Variants in LRRC8A observed in about 807,000 individuals in gnomAD.
The protein encoded by LRRC8A is volume-regulated anion channel subunit LRRC8A.
Under a neutral mutation model 52.5 loss-of-function variants are expected in LRRC8A, and 24 were observed. That is an observed-to-expected ratio of 0.46 (90% confidence interval 0.33 to 0.64). The LOEUF is 0.64. Among genes scored for constraint, LRRC8A ranks in the 30% least tolerant of loss-of-function variants. LRRC8A has a pLI of 0.02. For missense variants in LRRC8A, 677 were observed against 1,094.7 expected (o/e 0.62, Z 5.38); for synonymous variants, 492 against 494.2 (o/e 1.00, Z 0.06).
Position 128,911,033 on chromosome 9 carries a change from G to A in LRRC8A, c.2157+1712G>A, listed in dbSNP as rs533034839. 1.3e-5 allele frequency among the ~76,000 whole-genome samples: 2 copies of A among 152,262 alleles called. No homozygotes were observed. The highest frequency in any genetic ancestry group is 4.1e-4 in the South Asian group (2 of 4,822). On this transcript the variant is annotated intron_variant, in intron 3 of 3. Transcript: ENST00000372600. The surrounding 1 kb of genome is among the most constrained non-coding windows in gnomAD (Gnocchi z 4.9). The stretch of plus-strand genomic sequence containing the variant: ...ACCAACCTGCTGAGTCCTCCCAACA[G>A]GGTCTGTCTATAGCATCCTCAGGCA...
Position 128,908,946 on chromosome 9 carries a change from T to C in LRRC8A, c.1782T>C (p.Thr594=), listed in dbSNP as rs372263283. 8 of 1,613,790 alleles carry C rather than the reference T, an allele frequency of 5.0e-6. No individual in the cohort carries two copies. In the African/African-American group the frequency reaches 8.0e-5, roughly 16 times the overall value. ...LNSLKKMANL[T]ELELIRCDLE... ...GCCTCAAGAAGATGGCGAACCTGACTGAGCTGGAGCTGATCCGCTGTGACC... is the reference window on the plus strand; with the variant it reads ...GCCTCAAGAAGATGGCGAACCTGACCGAGCTGGAGCTGATCCGCTGTGACC... Residue 594 remains threonine (T), a synonymous_variant, in exon 3 of 4, where the codon ACT becomes ACC. Coordinates refer to ENST00000372600, the MANE Select transcript of LRRC8A (RefSeq NM_019594.4).
At chr9:128,915,112 G>T (rs892280241) in intron 3 of LRRC8A, among the ~76,000 whole-genome samples, 6 of 152,140 alleles carry the variant, frequency 3.9e-5, no homozygotes, top group Non-Finnish European at 7.4e-5. Flanking sequence ...AATAGTATCA[G>T]TGCTCACAGT....
At chr9:128,896,874 AC>A in intron 2 of LRRC8A, among the ~76,000 whole-genome samples, 1 of 151,502 alleles carries the variant, frequency 6.6e-6, no homozygotes, top group African/African-American at 2.4e-5. Context: ...GGCATGTGCC[AC>A]CAGGCCCAGC....
Position 128,907,040 on chromosome 9 carries a change from G to A in LRRC8A, c.-8-117G>A. The A allele has an allele frequency of 2.2e-6, 2 of 902,664 alleles. No individual in the cohort carries two copies. The highest frequency in any genetic ancestry group is 3.4e-6 in the Non-Finnish European group (2 of 587,072). 55.9% of individuals were successfully genotyped at this position (902,664 alleles called of 1,614,324 possible). A position where few individuals can be genotyped will look rare whatever the true frequency, so the allele number is the denominator to read the frequency against. ...GTAGGCAGGCTTTGGCTCCCAGCTA[G>A]ATTTGAGGTGGAATTTTGGACAATG... is the stretch of plus-strand genomic sequence containing the variant. On this transcript the variant is annotated intron_variant, in intron 2 of 3. Transcript: ENST00000372600. This position sits in a 1 kb window ranked among gnomAD's most constrained non-coding sequence, Gnocchi z 9.3.
At chr9:128,901,432 C>G (rs1311500488) in intron 2 of LRRC8A, among the ~76,000 whole-genome samples, 1 of 152,068 alleles carries the variant, frequency 6.6e-6, no homozygotes, top group Non-Finnish European at 1.5e-5. Context: ...CCACTGCACC[C>G]CAGCCTGGCA....
intron 2 of LRRC8A, among the ~76,000 whole-genome samples, chr9:128,888,440 G>A (rs141659032): frequency 1.3e-5 from 2 of 152,230 alleles, no homozygotes; most frequent in African/African-American, 2.4e-5. Flanking sequence ...GCCCTTCCTG[G>A]GGATAGGAAG....
chr9:128,883,891 T>A (rs1839270006), intron 1 of LRRC8A, among the ~76,000 whole-genome samples: 1 of 152,182 alleles, frequency 6.6e-6, no homozygotes. Flanking sequence ...GGAGAATTGC[T>A]TGAACCCAGC....
intron 3 of LRRC8A, among the ~76,000 whole-genome samples, chr9:128,915,094 A>G (rs568135904): frequency 4.2e-4 from 64 of 152,294 alleles, no homozygotes; most frequent in African/African-American, 1.5e-3. Context: ...TTGCTGGTTA[A>G]ATAAATTAAT....
At chr9:128,893,932 A>G (rs1839720953) in intron 2 of LRRC8A, among the ~76,000 whole-genome samples, 1 of 151,598 alleles carries the variant, frequency 6.6e-6, no homozygotes, top group Non-Finnish European at 1.5e-5. Flanking sequence ...AGGCAGGAGT[A>G]CAGCAGCACA....
intron 2 of LRRC8A, among the ~76,000 whole-genome samples, chr9:128,906,417 G>A (rs1840254537): frequency 6.8e-6 from 1 of 146,056 alleles, no homozygotes; most frequent in Admixed American, 7.1e-5. Flanking sequence ...CCACCTCCCG[G>A]GTTCAAGTGA....
At chr9:128,888,838 C>A (rs1839496547) in intron 2 of LRRC8A, among the ~76,000 whole-genome samples, 1 of 152,022 alleles carries the variant, frequency 6.6e-6, no homozygotes, top group African/African-American at 2.4e-5. Context: ...CTCTCCCATA[C>A]ACTGCTTGGG....
intron 1 of LRRC8A, among the ~76,000 whole-genome samples, chr9:128,883,876 A>C (rs1839267541): frequency 6.6e-6 from 1 of 152,126 alleles, no homozygotes; most frequent in African/African-American, 2.4e-5. Context: ...CGGGAGGCTG[A>C]GGCAGGAGAA....
intron 2 of LRRC8A, among the ~76,000 whole-genome samples, chr9:128,887,933 C>T (rs907767194): frequency 3.9e-5 from 6 of 152,182 alleles, no homozygotes; most frequent in African/African-American, 1.2e-4. Flanking sequence ...TGAGCCACCG[C>T]GCCCGGCTCC....
intron 1 of LRRC8A, among the ~76,000 whole-genome samples, chr9:128,883,361 A>G (rs906044941): frequency 2.6e-5 from 4 of 152,240 alleles, no homozygotes; most frequent in African/African-American, 9.6e-5. Flanking sequence ...AACCTGGCAG[A>G]CAGACAGGCT....
chr9:128,908,815 C>T lies in LRRC8A; in HGVS notation c.1651C>T (p.Leu551Phe), dbSNP rs1224289195. 1.9e-5 allele frequency: 30 copies of T among 1,613,490 alleles called. No homozygotes were observed. Among genetic ancestry groups the T allele is most frequent in the African/African-American group, 2.7e-5 (2 of 74,940 alleles). Residue 551 changes from leucine (L) to phenylalanine (F), a missense_variant, in exon 3 of 4, where the codon CTC (leucine) becomes TTC (phenylalanine). Physicochemically the swap from Leu to Phe is conservative, Grantham distance 22 (BLOSUM62 0). Around this residue, in one of 4 missense-constraint regions of LRRC8A, gnomAD observed 422 missense variants for 741.5 expected, o/e 0.57. Transcript: ENST00000372600. ...RELKRLKVLR[L>F]KSNLSKLPQV... The stretch of plus-strand genomic sequence containing the variant: ...GCTCAAACGCCTCAAGGTGCTGCGG[C>T]TCAAGAGCAACCTAAGCAAGCTGCC...
intron 1 of LRRC8A, chr9:128,882,631 C>T: frequency 2.5e-6 from 1 of 398,914 alleles, no homozygotes; most frequent in East Asian, 3.6e-5. Flanking sequence ...GGGCTCTCTC[C>T]TTGCCATTTC....
At chr9:128,888,884 C>T (rs1213879833) in intron 2 of LRRC8A, among the ~76,000 whole-genome samples, 1 of 152,090 alleles carries the variant, frequency 6.6e-6, no homozygotes, top group African/African-American at 2.4e-5. Context: ...ACAGATGGTG[C>T]TCAGCGTCTC....
At chr9:128,889,373 C>T (rs1049307077) in intron 2 of LRRC8A, among the ~76,000 whole-genome samples, 11 of 152,200 alleles carry the variant, frequency 7.2e-5, no homozygotes, top group East Asian at 3.9e-4. Flanking sequence ...AAACACTGAC[C>T]GGACGCCATT....
chr9:128,907,707 C>T lies in LRRC8A; in HGVS notation c.543C>T (p.Ser181=), dbSNP rs567876851. 19 of 1,613,538 alleles carry T rather than the reference C, an allele frequency of 1.2e-5. No homozygotes were observed. In the South Asian group the frequency reaches 1.6e-4, roughly 14 times the overall value. ...TGTCGGAGACAGTGGTGGAGGAGAG[C>T]GACCCCAAGCCGGCCTTCAGCAAGA... The part of the protein sequence containing the change: ...RALSETVVEE[S]DPKPAFSKMN... The change falls in exon 3 of 4, where the codon AGC becomes AGT. Residue 181 remains serine, a synonymous_variant. Coordinates refer to ENST00000372600, the MANE Select transcript of LRRC8A (RefSeq NM_019594.4). This position sits in a 1 kb window ranked among gnomAD's most constrained non-coding sequence, Gnocchi z 9.3.
Sources: gnomAD v4.1 joint callset for allele counts (sites outside exome capture counted in the v4.1 genomes callset) on GRCh38, gnomAD v4.1.1 for gene constraint, gnomAD v4.1.1 regional missense constraint, Gnocchi (gnomAD v3.1) non-coding constraint, MANE v1.5 for transcripts, NCBI Gene and HGNC (gene_info 2026-07-23, HGNC 2026-07-21) for gene names.